The following ENTREP2 variants were observed in gnomAD, a reference collection of about 807,000 sequenced individuals.
The protein encoded by ENTREP2 is protein ENTREP2.
the ENTREP2 span, among the ~76,000 whole-genome samples, chr15:29,388,338 T>C: frequency 2.0e-5 from 3 of 152,144 alleles, no homozygotes; most frequent in African/African-American, 4.8e-5. Context: ...TCAAAAGACA[T>C]TTATGCAGCC....
At chr15:29,382,488 C>T in the ENTREP2 span, among the ~76,000 whole-genome samples, 11 of 152,148 alleles carry the variant, frequency 7.2e-5, no homozygotes, top group South Asian at 6.2e-4. Context: ...CCACCTCACC[C>T]GTACATAGGC....
At chr15:29,570,443 G>A in the ENTREP2 span, 9 of 1,079,940 alleles carry the variant, frequency 8.3e-6, no homozygotes, top group Non-Finnish European at 1.0e-5. Context: ...CGGCCGCAGC[G>A]CCTAGCCCCC....
the ENTREP2 span, among the ~76,000 whole-genome samples, chr15:29,280,357 T>C: frequency 9.2e-5 from 14 of 152,292 alleles, no homozygotes; most frequent in African/African-American, 3.4e-4. Flanking sequence ...TGAGTTTGCA[T>C]GATATGCTTT....
the ENTREP2 span, among the ~76,000 whole-genome samples, chr15:29,223,679 G>GT: frequency 2.0e-5 from 3 of 152,236 alleles, no homozygotes; most frequent in South Asian, 6.2e-4. Context: ...TGCGGGCCCA[G>GT]TAGAACTCCT....
At chr15:29,170,582 G>A in the ENTREP2 span, among the ~76,000 whole-genome samples, 1 of 150,006 alleles carries the variant, frequency 6.7e-6, no homozygotes, top group Non-Finnish European at 1.5e-5. Flanking sequence ...CAACAAGACT[G>A]TGTGTGTGTG....
the ENTREP2 span, among the ~76,000 whole-genome samples, chr15:29,674,136 G>C: frequency 6.7e-6 from 1 of 149,778 alleles, no homozygotes; most frequent in African/African-American, 2.5e-5. Flanking sequence ...GATGGGGGGG[G>C]GGGGGGGCTT....
chr15:29,571,612 T>G, the ENTREP2 span, among the ~76,000 whole-genome samples: 1 of 152,178 alleles, frequency 6.6e-6, no homozygotes, highest in Non-Finnish European at 1.5e-5. Flanking sequence ...TGCATGCTTT[T>G]GATACAAGTT....
chr15:29,646,920 CA>C, the ENTREP2 span, among the ~76,000 whole-genome samples: 1 of 152,186 alleles, frequency 6.6e-6, no homozygotes, highest in Non-Finnish European at 1.5e-5. Flanking sequence ...GTGGGTATTT[CA>C]AACCCACTTC....
At chr15:29,639,762 T>C in the ENTREP2 span, among the ~76,000 whole-genome samples, 1 of 148,780 alleles carries the variant, frequency 6.7e-6, no homozygotes, top group Non-Finnish European at 1.5e-5. Flanking sequence ...AGTTGGTTTT[T>C]GTTTGCTTTT....
At chr15:29,435,261 T>G in the ENTREP2 span, among the ~76,000 whole-genome samples, 1 of 152,146 alleles carries the variant, frequency 6.6e-6, no homozygotes, top group East Asian at 1.9e-4. Context: ...ATCCACTCTG[T>G]GCTCCCCACT....
chr15:29,271,791 C>T, the ENTREP2 span, among the ~76,000 whole-genome samples: 2 of 152,262 alleles, frequency 1.3e-5, no homozygotes, highest in African/African-American at 4.8e-5. Flanking sequence ...CTTGCCGATG[C>T]TCCCAGCTGA....
At chr15:29,636,090 C>T in the ENTREP2 span, among the ~76,000 whole-genome samples, 1 of 152,206 alleles carries the variant, frequency 6.6e-6, no homozygotes, top group Non-Finnish European at 1.5e-5. Context: ...AAGAGAAACT[C>T]TGCCTGGTGC....
chr15:29,422,043 G>A, the ENTREP2 span, among the ~76,000 whole-genome samples: 1 of 152,094 alleles, frequency 6.6e-6, no homozygotes, highest in African/African-American at 2.4e-5. Flanking sequence ...CGAAGCAGGT[G>A]GATCACCTGA....
the ENTREP2 span, among the ~76,000 whole-genome samples, chr15:29,162,912 C>A: frequency 6.6e-6 from 1 of 152,030 alleles, no homozygotes; most frequent in South Asian, 2.1e-4. Context: ...CCACTGCACA[C>A]CCCCCACCAC....
the ENTREP2 span, among the ~76,000 whole-genome samples, chr15:29,543,562 T>C: frequency 6.6e-6 from 1 of 152,072 alleles, no homozygotes; most frequent in African/African-American, 2.4e-5. Flanking sequence ...GGTGGATCAT[T>C]TGAAGTCAGG....
At chr15:29,402,251 A>T in the ENTREP2 span, among the ~76,000 whole-genome samples, 1 of 111,824 alleles carries the variant, frequency 8.9e-6, no homozygotes, top group Non-Finnish European at 2.0e-5. Context: ...ATTATAGAAG[A>T]ATATATATAT....
the ENTREP2 span, among the ~76,000 whole-genome samples, chr15:29,609,196 A>T: frequency 6.0e-5 from 9 of 149,600 alleles, 1 homozygote; most frequent in African/African-American, 2.2e-4. Context: ...CTGCATGGGG[A>T]CTTGGAAAAA....
At chr15:29,465,058 TTCA>T in the ENTREP2 span, among the ~76,000 whole-genome samples, 2 of 152,038 alleles carry the variant, frequency 1.3e-5, no homozygotes, top group African/African-American at 4.8e-5. Context: ...GAGCAGCCCC[TTCA>T]CCTGAGGCAG....
chr15:29,241,234 T>C, the ENTREP2 span, among the ~76,000 whole-genome samples: 2 of 152,172 alleles, frequency 1.3e-5, no homozygotes, highest in Non-Finnish European at 2.9e-5. Flanking sequence ...TAACCGCTTC[T>C]CAGCAGGGGT....
Sources: gnomAD v4.1 joint callset for allele counts (sites outside exome capture counted in the v4.1 genomes callset) on GRCh38, gnomAD v4.1.1 for gene constraint, MANE v1.5 for transcripts, NCBI Gene and HGNC (gene_info 2026-07-23, HGNC 2026-07-21) for gene names.